The following USP46 variants were observed in gnomAD, a reference collection of about 807,000 sequenced individuals.
USP46 encodes ubiquitin carboxyl-terminal hydrolase 46.
In USP46, 12 loss-of-function variants were observed where a neutral mutation model predicts 44.4. The observed-to-expected ratio is 0.27, with a 90% CI of 0.17 to 0.44. The LOEUF (loss-of-function observed/expected upper bound fraction) is 0.44, where lower values mean the gene tolerates loss of function less well. Ranked by LOEUF, USP46 falls within the 20% of genes least tolerant of loss-of-function variation. USP46 has a pLI of 1.00. For synonymous variants in USP46, 155 were observed against 161.5 expected (o/e 0.96, Z 0.31); for missense variants, 248 against 444.8 (o/e 0.56, Z 3.98).
rs920518194 is a variant in USP46, at chr4:52,591,209, C to A, written c.*6431G>T. On this transcript the variant is annotated 3_prime_UTR_variant, in exon 9 of 9. Transcript: ENST00000441222. ...ATTTTCTTAGCACAGAATGTTCTTTCCAGCAAGGTCCATTAAGAGAGACCG... is the reference window on the plus strand; with the variant it reads ...ATTTTCTTAGCACAGAATGTTCTTTACAGCAAGGTCCATTAAGAGAGACCG... 1.3e-5 allele frequency: 2 copies of A among 152,176 alleles called. No homozygotes were observed. Among genetic ancestry groups the A allele is most frequent in the East Asian group, 3.9e-4 (2 of 5,190 alleles). The allele number at this position is 152,176 out of a possible 1,614,324, so 9.4% of individuals were successfully genotyped here. A position where few individuals can be genotyped will look rare whatever the true frequency, so the allele number is the denominator to read the frequency against.
At chr4:52,600,650 A>G (rs1716432482) in intron 7 of USP46, among the ~76,000 whole-genome samples, 1 of 151,680 alleles carries the variant, frequency 6.6e-6, no homozygotes, top group African/African-American at 2.4e-5. Flanking sequence ...CCACACTGAA[A>G]GTCCTGTGTA....
intron 5 of USP46, among the ~76,000 whole-genome samples, chr4:52,607,971 C>G (rs1716760613): frequency 6.6e-6 from 1 of 152,132 alleles, no homozygotes; most frequent in African/African-American, 2.4e-5. Flanking sequence ...TGGGAATGGA[C>G]TAATACAGGG....
At chr4:52,658,979 G>T (rs375877717) in intron 1 of USP46, 136 bp downstream of exon 1, 5 of 1,093,906 alleles carry the variant, frequency 4.6e-6, no homozygotes, top group African/African-American at 3.4e-5. Context: ...CGCCCAGCTC[G>T]GGGGCCGGGA....
At chr4:52,625,444 T>C (rs930733336) in intron 4 of USP46, among the ~76,000 whole-genome samples, 4 of 152,050 alleles carry the variant, frequency 2.6e-5, no homozygotes, top group African/African-American at 9.7e-5. Context: ...AAATATGACA[T>C]CCTGAATCAT....
chr4:52,654,270 T>C (rs1718875966), intron 1 of USP46, among the ~76,000 whole-genome samples: 1 of 152,218 alleles, frequency 6.6e-6, no homozygotes, highest in South Asian at 2.1e-4. Flanking sequence ...AGCTGATATA[T>C]TAACTAAACT....
At chr4:52,629,552 A>C in intron 2 of USP46, 1 of 454,972 alleles carries the variant, frequency 2.2e-6, no homozygotes, top group South Asian at 1.5e-5. Context: ...ATCATAAGTC[A>C]GTATTTCACC....
chr4:52,658,074 T>C (rs1446257610), intron 1 of USP46: 5 of 383,534 alleles, frequency 1.3e-5, no homozygotes, highest in East Asian at 7.5e-5. Flanking sequence ...AAACTGGCAC[T>C]GTAAGAGCAC....
At chr4:52,631,042 A>C (rs1472463364) in intron 2 of USP46, 22 bp downstream of exon 2, 3 of 1,547,182 alleles carry the variant, frequency 1.9e-6, no homozygotes, top group Non-Finnish European at 1.7e-6. Flanking sequence ...TTTGATGAAA[A>C]TAATACATTT....
intron 1 of USP46, among the ~76,000 whole-genome samples, chr4:52,647,532 G>A (rs1718591071): frequency 6.6e-6 from 1 of 152,220 alleles, no homozygotes; most frequent in South Asian, 2.1e-4. Context: ...TGACACAAAA[G>A]AGTGTGGTAT....
At chr4:52,653,074 A>G (rs1375455598) in intron 1 of USP46, among the ~76,000 whole-genome samples, 2 of 152,202 alleles carry the variant, frequency 1.3e-5, no homozygotes, top group African/African-American at 4.8e-5. Flanking sequence ...ATTGCAAAGA[A>G]TCATTCTGAG....
chr4:52,656,228 A>C, intron 1 of USP46: 1 of 1,493,950 alleles, frequency 6.7e-7, no homozygotes, highest in Non-Finnish European at 9.1e-7. Flanking sequence ...CAAAGTTAGG[A>C]GCGGGAAGGG....
At chr4:52,609,459 C>T (rs1716828180) in intron 5 of USP46, among the ~76,000 whole-genome samples, 1 of 151,836 alleles carries the variant, frequency 6.6e-6, no homozygotes, top group African/African-American at 2.4e-5. Context: ...CCACCCTTCC[C>T]TTATCTTTTG....
chr4:52,616,300 A>G (rs1717144444), intron 4 of USP46, among the ~76,000 whole-genome samples: 1 of 152,222 alleles, frequency 6.6e-6, no homozygotes, highest in African/African-American at 2.4e-5. Context: ...CAGAATGTCA[A>G]TAGTTCTGAC....
chr4:52,608,919 G>A (rs899901528), intron 5 of USP46, among the ~76,000 whole-genome samples: 1 of 152,126 alleles, frequency 6.6e-6, no homozygotes, highest in Non-Finnish European at 1.5e-5. Flanking sequence ...AGGAGTCATG[G>A]GGAGGGTCTA....
chr4:52,623,929 T>A (rs1289621549), intron 4 of USP46, among the ~76,000 whole-genome samples: 1 of 151,608 alleles, frequency 6.6e-6, no homozygotes, highest in Non-Finnish European at 1.5e-5. Flanking sequence ...CAAAAAAAAT[T>A]AAAAAAATAA....
At chr4:52,640,288 G>A (rs959856601) in intron 1 of USP46, among the ~76,000 whole-genome samples, 2 of 151,944 alleles carry the variant, frequency 1.3e-5, no homozygotes, top group Admixed American at 6.6e-5. Context: ...TGAGCCCTGC[G>A]ACGTGCCTGG....
chr4:52,648,589 C>T (rs145434029), intron 1 of USP46, among the ~76,000 whole-genome samples: 20 of 152,266 alleles, frequency 1.3e-4, no homozygotes, highest in African/African-American at 4.6e-4. Context: ...CTGGATCCAT[C>T]CCACAGTTTT....
chr4:52,624,976 T>G (rs916864668), intron 4 of USP46, among the ~76,000 whole-genome samples: 3 of 152,154 alleles, frequency 2.0e-5, no homozygotes, highest in African/African-American at 7.2e-5. Context: ...CATGAGGGAT[T>G]GCGTTGTAGC....
chr4:52,645,143 T>C (rs1423437281), intron 1 of USP46, among the ~76,000 whole-genome samples: 1 of 150,388 alleles, frequency 6.6e-6, no homozygotes, highest in African/African-American at 2.5e-5. Context: ...GAGAATAGCT[T>C]GAACCCGGGA....
Sources: allele counts gnomAD v4.1 joint callset (sites outside exome capture counted in the v4.1 genomes callset), GRCh38; gene constraint gnomAD v4.1.1; transcripts MANE v1.5; gene names NCBI Gene and HGNC (gene_info 2026-07-23, HGNC 2026-07-21).